MCPH1: variants seen among roughly 807,000 people sequenced by gnomAD.
MCPH1 encodes microcephalin.
Under a neutral mutation model 84.5 loss-of-function variants are expected in MCPH1, and 104 were observed. That is an observed-to-expected ratio of 1.23 (90% CI 1.05 to 1.45). The LOEUF (loss-of-function observed/expected upper bound fraction) is 1.45. MCPH1 is among the 40% of genes most tolerant of loss of function. The pLI, the probability that MCPH1 is intolerant of heterozygous loss-of-function variation, is 0.00. For missense variants in MCPH1, 1,498 were observed against 1,005.7 expected, an observed-to-expected ratio of 1.49 and a Z score of -6.62; for synonymous variants, 514 against 366.8, an observed-to-expected ratio of 1.40 and a Z score of -4.58.
intron 12 of MCPH1, 124 bp from the exon 13 acceptor site, chr8:6,621,330 G>A: frequency 4.1e-6 from 5 of 1,217,282 alleles, no homozygotes; most frequent in Non-Finnish European, 4.7e-6. Context: ...ATTCACAGGA[G>A]CATGGCAGCC....
Position 6,643,145 on chromosome 8 carries a change from C to A in MCPH1, c.*96C>A, listed in dbSNP as rs529514345. On this transcript the variant is annotated 3_prime_UTR_variant, in exon 14 of 14. Coordinates refer to ENST00000344683, the MANE Select transcript of MCPH1 (RefSeq NM_024596.5). ...CAAAACTGTGAAGAGAAGGAACTGG[C>A]GTATACAAGATGACTTCTGATATCA... is the stretch of plus-strand genomic sequence containing the variant. 3.8e-6 allele frequency: 4 copies of A among 1,061,360 alleles called. No individual in the cohort carries two copies. Among genetic ancestry groups the A allele is most frequent in the Non-Finnish European group, 5.8e-6 (4 of 691,904 alleles). 65.7% of individuals were successfully genotyped at this position (1,061,360 alleles called of 1,614,324 possible).
chr8:6,575,316 T>G (rs1415386266), intron 12 of MCPH1, among the ~76,000 whole-genome samples: 1 of 152,180 alleles, frequency 6.6e-6, no homozygotes, highest in East Asian at 1.9e-4. Flanking sequence ...CAATGTGGGT[T>G]TTTCTAGACA....
At chr8:6,607,037 T>A (rs1829835124) in intron 12 of MCPH1, among the ~76,000 whole-genome samples, 1 of 152,234 alleles carries the variant, frequency 6.6e-6, no homozygotes, top group Non-Finnish European at 1.5e-5. Context: ...CTAATGCATT[T>A]GGAAACCAAG....
chr8:6,551,165 T>C (rs1356005241), intron 12 of MCPH1, among the ~76,000 whole-genome samples: 1 of 152,142 alleles, frequency 6.6e-6, no homozygotes, highest in Non-Finnish European at 1.5e-5. Flanking sequence ...GGATTTTAAA[T>C]CACTTAAATT....
chr8:6,456,837 C>G (rs908236384), intron 9 of MCPH1, among the ~76,000 whole-genome samples: 2 of 152,164 alleles, frequency 1.3e-5, no homozygotes, highest in African/African-American at 4.8e-5. Flanking sequence ...AGCCCTGAAT[C>G]TGATGGGCTG....
intron 9 of MCPH1, among the ~76,000 whole-genome samples, 185 bp downstream of exon 9, chr8:6,455,437 G>C (rs1025739506): frequency 2.0e-5 from 3 of 152,178 alleles, no homozygotes; most frequent in African/African-American, 7.2e-5. Flanking sequence ...CAGACAAAGA[G>C]TTATTATTGA....
At chr8:6,581,618 C>T (rs1487306088) in intron 12 of MCPH1, among the ~76,000 whole-genome samples, 1 of 152,190 alleles carries the variant, frequency 6.6e-6, no homozygotes, top group Non-Finnish European at 1.5e-5. Flanking sequence ...ATGAAGAAAA[C>T]ACGCAGACTG....
rs191157539 is a variant in MCPH1, at chr8:6,645,437, A to C, written c.*2388A>C. ...TTCTCAGGATTCTGAATTTTAAAAA[A>C]AATTTGTAAAGGCTTATGGCTCTCA... On this transcript the variant is annotated 3_prime_UTR_variant, in exon 14 of 14. Transcript: ENST00000344683. 1.3e-4 allele frequency: 20 copies of C among 152,276 alleles called. No individual in the cohort carries two copies. The East Asian group carries it at 3.9e-3, about 29-fold the overall frequency. The allele number at this position is 152,276 out of a possible 1,614,324, so 9.4% of individuals were successfully genotyped here. A position where few individuals can be genotyped will look rare whatever the true frequency, so the allele number is the denominator to read the frequency against.
At chr8:6,521,679 A>G (rs1483492242) in intron 12 of MCPH1, among the ~76,000 whole-genome samples, 1 of 152,164 alleles carries the variant, frequency 6.6e-6, no homozygotes, top group African/African-American at 2.4e-5. Flanking sequence ...CTGGTCCAGG[A>G]TAGGTGGGAT....
At chr8:6,489,881 A>G (rs1339734937) in intron 11 of MCPH1, among the ~76,000 whole-genome samples, 4 of 152,236 alleles carry the variant, frequency 2.6e-5, no homozygotes, top group African/African-American at 9.6e-5. Flanking sequence ...TATGTATATT[A>G]ATGAAAAAGT....
At chr8:6,634,141 C>G (rs971771456) in intron 13 of MCPH1, among the ~76,000 whole-genome samples, 2 of 152,146 alleles carry the variant, frequency 1.3e-5, no homozygotes, top group Non-Finnish European at 2.9e-5. Context: ...AAAACTAGAT[C>G]TGAAGGCATC....
intron 12 of MCPH1, among the ~76,000 whole-genome samples, chr8:6,546,205 C>T (rs1487739019): frequency 6.6e-6 from 1 of 152,170 alleles, no homozygotes; most frequent in African/African-American, 2.4e-5. Context: ...GCCAAGGCAC[C>T]CTGGGTCCTT....
At chr8:6,527,897 C>CTTTTTTTTTTT (rs1343936237) in intron 12 of MCPH1, among the ~76,000 whole-genome samples, 77 of 105,946 alleles carry the variant, frequency 7.3e-4, no homozygotes, top group Non-Finnish European at 1.1e-3. Flanking sequence ...CCCCACGTCT[C>CTTTTTTTTTTT]TATTTTTTTT....
At chr8:6,561,708 T>A (rs1825567547) in intron 12 of MCPH1, among the ~76,000 whole-genome samples, 1 of 152,260 alleles carries the variant, frequency 6.6e-6, no homozygotes, top group South Asian at 2.1e-4. Context: ...TCCTTTAGAA[T>A]ATATATAGTC....
chr8:6,550,808 TTGAG>T (rs2129574875), intron 12 of MCPH1, among the ~76,000 whole-genome samples: 1 of 152,296 alleles, frequency 6.6e-6, no homozygotes, highest in East Asian at 1.9e-4. Flanking sequence ...TGTTGTGAAA[TTGAG>T]TGAGACGATG....
At chr8:6,463,295 C>A (rs1390386484) in intron 9 of MCPH1, among the ~76,000 whole-genome samples, 2 of 152,174 alleles carry the variant, frequency 1.3e-5, no homozygotes, top group African/African-American at 4.8e-5. Flanking sequence ...TCGAGAGATG[C>A]TTTCCTCATC....
chr8:6,609,089 TAAG>T (rs1417893741), intron 12 of MCPH1, among the ~76,000 whole-genome samples: 1 of 152,184 alleles, frequency 6.6e-6, no homozygotes, highest in Non-Finnish European at 1.5e-5. Flanking sequence ...CGTGTTATTA[TAAG>T]GTTTACAAAT....
At chr8:6,411,054 C>T (rs572876292) in intron 2 of MCPH1, among the ~76,000 whole-genome samples, 37 of 152,262 alleles carry the variant, frequency 2.4e-4, no homozygotes, top group Admixed American at 7.2e-4. Context: ...TGCACCACTG[C>T]ACTCCAGCCT....
chr8:6,536,772 C>T (rs1311065470), intron 12 of MCPH1, among the ~76,000 whole-genome samples: 1 of 152,168 alleles, frequency 6.6e-6, no homozygotes. Context: ...CCATCTGGCT[C>T]ATCCACTTGG....
Sources: allele counts gnomAD v4.1 joint callset (sites outside exome capture counted in the v4.1 genomes callset), GRCh38; gene constraint gnomAD v4.1.1; transcripts MANE v1.5; gene names NCBI Gene and HGNC (gene_info 2026-07-23, HGNC 2026-07-21).